CHD2: variants seen among roughly 807,000 people sequenced by gnomAD.
CHD2 encodes the protein chromodomain helicase DNA binding protein 2, also known as ATP-dependent chromatin remodeler CHD2.
CHD2 carries 28 observed loss-of-function variants against 243.9 expected under a neutral mutation model. The observed-to-expected ratio is 0.11, with a 90% CI of 0.09 to 0.16. The LOEUF (loss-of-function observed/expected upper bound fraction) is 0.16, where lower values mean the gene tolerates loss of function less well. Among genes scored for constraint, CHD2 ranks in the 10% least tolerant of loss-of-function variants. The pLI is 1.00. For missense variants in CHD2, 1,386 were observed against 2,209.8 expected (o/e 0.63, Z 7.47); for synonymous variants, 775 against 779.0 (o/e 0.99, Z 0.09).
intron 26 of CHD2, among the ~76,000 whole-genome samples, chr15:92,987,565 A>C (rs1026002718): frequency 1.3e-5 from 2 of 151,758 alleles, no homozygotes; most frequent in Non-Finnish European, 2.9e-5. Flanking sequence ...CCGAGATGGC[A>C]CCACTAAACT....
At chr15:93,019,476 A>G (rs147779481) in intron 37 of CHD2, among the ~76,000 whole-genome samples, 2 of 152,284 alleles carry the variant, frequency 1.3e-5, no homozygotes, top group African/African-American at 4.8e-5. Flanking sequence ...GTCATTACTG[A>G]TACGTTAGCC....
intron 7 of CHD2, among the ~76,000 whole-genome samples, chr15:92,940,948 AATATAAATAT>A (rs1481803526): frequency 1.5e-5 from 2 of 130,004 alleles, no homozygotes; most frequent in African/African-American, 5.8e-5. Flanking sequence ...AATATATATA[AATATAAATAT>A]ATATAAATAT....
Position 92,929,398 on chromosome 15 carries a change from T to A in CHD2, c.443+307T>A, listed in dbSNP as rs540281523. Among the ~76,000 whole-genome samples, 68 of 152,296 alleles carry A rather than the reference T, an allele frequency of 4.5e-4. 1 individual carries two copies. In the South Asian group the frequency reaches 0.013, roughly 30 times the overall value. On this transcript the variant is annotated intron_variant, in intron 5 of 38. Coordinates refer to ENST00000394196, the MANE Select transcript of CHD2 (RefSeq NM_001271.4). ...TTGATTTTTTTCAGAAAAATATGTA[T>A]AAATAACAAGTACACAGGTATTTGG...
intron 17 of CHD2, among the ~76,000 whole-genome samples, chr15:92,969,390 C>T (rs866578825): frequency 2.6e-4 from 39 of 152,238 alleles, no homozygotes; most frequent in African/African-American, 8.9e-4. Flanking sequence ...TTCTGCTCTT[C>T]CCACTGTAGA....
At chr15:92,989,446 C>T (rs754930143) in intron 26 of CHD2, among the ~76,000 whole-genome samples, 23 of 152,238 alleles carry the variant, frequency 1.5e-4, no homozygotes, top group Non-Finnish European at 2.4e-4. Context: ...TTGTGTTTGC[C>T]GCTGCTGTTG....
intron 2 of CHD2, among the ~76,000 whole-genome samples, chr15:92,910,523 G>A (rs373892077): frequency 6.6e-6 from 1 of 152,090 alleles, no homozygotes; most frequent in Non-Finnish European, 1.5e-5. Flanking sequence ...CTCCCGAGTG[G>A]TTGGGATCAC....
At chr15:93,010,902 C>T (rs1307281738) in intron 35 of CHD2, among the ~76,000 whole-genome samples, 1 of 152,120 alleles carries the variant, frequency 6.6e-6, no homozygotes, top group African/African-American at 2.4e-5. Context: ...ATAATATGTC[C>T]AATCTCAGAG....
At chr15:92,958,046 A>G (rs2053638789) in intron 16 of CHD2, among the ~76,000 whole-genome samples, 1 of 152,084 alleles carries the variant, frequency 6.6e-6, no homozygotes, top group Non-Finnish European at 1.5e-5. Context: ...CGGTTGATGG[A>G]CATTTGGATT....
intron 5 of CHD2, among the ~76,000 whole-genome samples, chr15:92,935,320 G>T (rs1352379059): frequency 6.6e-6 from 1 of 152,208 alleles, no homozygotes; most frequent in Non-Finnish European, 1.5e-5. Context: ...ACAGGCGTGA[G>T]CCACCGCGCC....
chr15:93,003,948 A>ACC (rs1462762228), intron 33 of CHD2, among the ~76,000 whole-genome samples: 1 of 151,612 alleles, frequency 6.6e-6, no homozygotes, highest in African/African-American at 2.4e-5. Context: ...ACATGGTGAA[A>ACC]CCCCGTCTGT....
intron 4 of CHD2, among the ~76,000 whole-genome samples, chr15:92,927,766 G>T (rs2053090199): frequency 6.6e-6 from 1 of 152,156 alleles, no homozygotes; most frequent in Non-Finnish European, 1.5e-5. Flanking sequence ...CTTAATTAAT[G>T]TATCTACTTT....
At chr15:92,989,073 C>G (rs1360834207) in intron 26 of CHD2, among the ~76,000 whole-genome samples, 1 of 143,826 alleles carries the variant, frequency 7.0e-6, no homozygotes, top group Non-Finnish European at 1.5e-5. Flanking sequence ...CTCCTATCAC[C>G]CAGGCTGGAG....
Position 92,901,374 on chromosome 15 carries a change from G to C in CHD2, c.62+75G>C. ...ACCTCAGCTTACAATTGTTTACCTT[G>C]ACAGACATGGATTGCTGTCTGTTTT... On this transcript the variant is annotated intron_variant, in intron 2 of 38. Transcript: ENST00000394196. The C allele has an allele frequency of 1.5e-5, 13 of 852,648 alleles. No homozygotes were observed. In the South Asian group the frequency reaches 1.8e-4, roughly 12 times the overall value. The allele number at this position is 852,648 out of a possible 1,614,324, so 52.8% of individuals were successfully genotyped here.
chr15:93,004,565 C>T (rs2054296633), intron 33 of CHD2, 52 bp from the exon 34 acceptor site: 1 of 1,516,698 alleles, frequency 6.6e-7, no homozygotes, highest in Non-Finnish European at 8.9e-7. Flanking sequence ...ACCTAAATCG[C>T]ACGGTAGGAT....
In CHD2 at chr15:93,004,658, A is replaced by T; in HGVS notation, c.4320A>T (p.Arg1440=). 3 of 1,613,394 alleles carry T rather than the reference A, an allele frequency of 1.9e-6. No homozygotes were observed. The highest frequency in any genetic ancestry group is 2.5e-6 in the Non-Finnish European group (3 of 1,179,554). The change falls in exon 34 of 39, where the codon CGA becomes CGT. Residue 1440 remains arginine, a synonymous_variant. Transcript: ENST00000394196. ...GDAKSSSKSK[R]SQGPVHITAG... The stretch of plus-strand genomic sequence containing the variant: ...CCAAATCTTCGAGTAAATCAAAGCG[A>T]TCTCAGGGTCCTGTCCATATTACAG...
chr15:92,987,515 G>A (rs867156786), intron 26 of CHD2, among the ~76,000 whole-genome samples: 4 of 151,496 alleles, frequency 2.6e-5, no homozygotes, highest in African/African-American at 9.7e-5. Context: ...GCTGAGGCAC[G>A]AGAATTGCTT....
At position 92,935,038 on chromosome 15, in the gene CHD2, C is replaced by CTTTT. The variant is rs35542698; in HGVS notation, c.444-2469_444-2466dup. Among the ~76,000 whole-genome samples the CTTTT allele has an allele frequency of 6.5e-4, 90 of 138,708 alleles. 1 individual carries two copies. The highest frequency in any genetic ancestry group is 1.2e-3 in the Non-Finnish European group (75 of 63,948). The allele number at this position is 138,708 out of a possible 152,430, so 91.0% of individuals were successfully genotyped here. A position where few individuals can be genotyped will look rare whatever the true frequency, so the allele number is the denominator to read the frequency against. On this transcript the variant is annotated intron_variant, in intron 5 of 38. Transcript: ENST00000394196. The stretch of plus-strand genomic sequence containing the variant: ...AAGTTTTTTTTTTCTTTCTTTCTTT[C>CTTTT]TTTTTTTTTTTTTTGAGAACAGAGT...
chr15:92,967,364 G>C lies in CHD2; in HGVS notation c.2040G>C (p.Lys680Asn). 6.2e-7 allele frequency: 1 copy of C among 1,612,506 alleles called. No individual in the cohort carries two copies. Among genetic ancestry groups the C allele is most frequent in the Non-Finnish European group, 8.5e-7 (1 of 1,178,942 alleles). ...FWEDFEEDHGKGRENGYQSLH... is the reference protein window; with the variant it reads ...FWEDFEEDHGNGRENGYQSLH... Reference sequence around the variant, plus strand: ...AAGATTTTGAAGAAGACCATGGGAAGGGGAGAGAAAATGGCTACCAGAGTC... The same window carrying C: ...AAGATTTTGAAGAAGACCATGGGAACGGGAGAGAAAATGGCTACCAGAGTC... Residue 680 changes from lysine (K) to asparagine (N), a missense_variant, in exon 17 of 39, where the codon AAG (lysine) becomes AAC (asparagine). Lys to Asn is a moderately conservative substitution (Grantham distance 94). Around this residue, in one of 19 missense-constraint regions of CHD2, gnomAD observed 118 missense variants for 266.3 expected, o/e 0.44. Coordinates refer to ENST00000394196, the MANE Select transcript of CHD2 (RefSeq NM_001271.4).
In CHD2 at chr15:93,025,115, G is replaced by C. The variant is rs997016173; in HGVS notation, c.*410G>C. On this transcript the variant is annotated 3_prime_UTR_variant, in exon 39 of 39. Coordinates refer to ENST00000394196, the MANE Select transcript of CHD2 (RefSeq NM_001271.4). The stretch of plus-strand genomic sequence containing the variant: ...TCGGGGCAGGAACTGGTGCATGGAG[G>C]CTGCTGGGACCTGGTGAACAGTGTG... The C allele has an allele frequency of 2.2e-4, 40 of 182,240 alleles. No individual in the cohort carries two copies. The highest frequency in any genetic ancestry group is 9.5e-4 in the African/African-American group (40 of 41,934). The allele number at this position is 182,240 out of a possible 1,614,324, so 11.3% of individuals were successfully genotyped here. A position where few individuals can be genotyped will look rare whatever the true frequency, so the allele number is the denominator to read the frequency against.
Sources: gnomAD v4.1 joint callset for allele counts (sites outside exome capture counted in the v4.1 genomes callset) on GRCh38, gnomAD v4.1.1 for gene constraint, gnomAD v4.1.1 regional missense constraint, MANE v1.5 for transcripts, NCBI Gene and HGNC (gene_info 2026-07-23, HGNC 2026-07-21) for gene names.